Variants in ARHGAP31 observed in about 807,000 individuals in gnomAD.
ARHGAP31 encodes the protein rho GTPase-activating protein 31.
A neutral mutation model predicts 113.9 loss-of-function variants in ARHGAP31; 34 were observed. The observed-to-expected ratio is 0.30, with a 90% CI of 0.23 to 0.40. The LOEUF (loss-of-function observed/expected upper bound fraction) is 0.40, where lower values mean the gene tolerates loss of function less well. Among genes scored for constraint, ARHGAP31 ranks in the 10% least tolerant of loss-of-function variants. The pLI, the probability that ARHGAP31 is intolerant of heterozygous loss-of-function variation, is 1.00. For synonymous variants in ARHGAP31, 650 were observed against 684.8 expected (o/e 0.95, Z 0.79); for missense variants, 1,548 against 1,767.1 (o/e 0.88, Z 2.22).
intron 1 of ARHGAP31, among the ~76,000 whole-genome samples, chr3:119,330,466 T>C (rs1222619236): frequency 6.6e-6 from 1 of 152,240 alleles, no homozygotes; most frequent in African/African-American, 2.4e-5. Flanking sequence ...GAACCATGAC[T>C]CCTGGCTCTC....
At chr3:119,345,207 C>T (rs183676330) in intron 1 of ARHGAP31, among the ~76,000 whole-genome samples, 20 of 152,178 alleles carry the variant, frequency 1.3e-4, no homozygotes, top group African/African-American at 1.7e-4. Flanking sequence ...AGGATGGTCT[C>T]GATCTCCTGA....
chr3:119,321,279 CTATATATATATATA>C (rs71693848), intron 1 of ARHGAP31, among the ~76,000 whole-genome samples: 1 of 140,438 alleles, frequency 7.1e-6, no homozygotes, highest in Non-Finnish European at 1.5e-5. Flanking sequence ...TATATATATA[CTATATATATATATA>C]TAGTATATAT....
At chr3:119,375,581 G>A (rs2080339826) in intron 3 of ARHGAP31, among the ~76,000 whole-genome samples, 1 of 152,068 alleles carries the variant, frequency 6.6e-6, no homozygotes. Flanking sequence ...ATTTGATATC[G>A]TCGGGAGCAA....
chr3:119,365,134 A>AT (rs544965812), intron 1 of ARHGAP31, among the ~76,000 whole-genome samples, 182 bp from the exon 2 acceptor site: 14 of 151,622 alleles, frequency 9.2e-5, no homozygotes, highest in African/African-American at 1.5e-4. Context: ...AAGCCCTATG[A>AT]TTTTTTTTTA....
In ARHGAP31 at chr3:119,416,411, A is replaced by C; in HGVS notation, c.*147A>C. 9 of 1,134,182 alleles carry C rather than the reference A, an allele frequency of 7.9e-6. No homozygotes were observed. The South Asian group carries it at 1.2e-4, about 15-fold the overall frequency. The allele number at this position is 1,134,182 out of a possible 1,614,324, so 70.3% of individuals were successfully genotyped here. On this transcript the variant is annotated 3_prime_UTR_variant, in exon 12 of 12. Transcript: ENST00000264245. ...TCTTTCTTCAGCCTTTTGACCACTTATTAATTAGTCCATTTGCTAGAAGAG... is the reference window on the plus strand; with the variant it reads ...TCTTTCTTCAGCCTTTTGACCACTTCTTAATTAGTCCATTTGCTAGAAGAG...
intron 1 of ARHGAP31, among the ~76,000 whole-genome samples, chr3:119,362,894 T>A (rs2080221895): frequency 6.6e-6 from 1 of 152,096 alleles, no homozygotes; most frequent in African/African-American, 2.4e-5. Flanking sequence ...AAAATCAGAT[T>A]ATACATTTAT....
intron 8 of ARHGAP31, 103 bp downstream of exon 8, chr3:119,393,694 G>T: frequency 6.8e-7 from 1 of 1,470,936 alleles, no homozygotes; most frequent in Non-Finnish European, 9.4e-7. Flanking sequence ...CTCTGAAAGA[G>T]AAACTTATAA....
chr3:119,409,434 T>C, intron 10 of ARHGAP31, 62 bp from the exon 11 acceptor site: 2 of 1,591,480 alleles, frequency 1.3e-6, no homozygotes, highest in African/African-American at 1.3e-5. Flanking sequence ...AGTGACTGTG[T>C]TGGGAAGAGT....
chr3:119,350,545 A>G (rs2080102406), intron 1 of ARHGAP31, among the ~76,000 whole-genome samples: 1 of 152,232 alleles, frequency 6.6e-6, no homozygotes, highest in Admixed American at 6.5e-5. Context: ...ACCAGAGGGT[A>G]CAATAAGCAA....
chr3:119,390,483 G>A (rs1010760579), intron 6 of ARHGAP31, among the ~76,000 whole-genome samples: 3 of 152,250 alleles, frequency 2.0e-5, no homozygotes, highest in Non-Finnish European at 2.9e-5. Flanking sequence ...CTCACAGTGA[G>A]TGTTCAATAA....
rs373981593 is a variant in ARHGAP31 at position 119,402,046 on chromosome 3, C to G, written c.1294C>G (p.Leu432Val). Residue 432 changes from leucine (L) to valine (V), a missense_variant, in exon 10 of 12, where the codon CTG (leucine) becomes GTG (valine). By Grantham distance (32) the Leu-to-Val change is conservative. Coordinates refer to ENST00000264245, the MANE Select transcript of ARHGAP31 (RefSeq NM_020754.4). The part of the protein sequence containing the change: ...GAQARPPPEQ[L>V]KVFRPVEDPE... ...TCAGGCCCGGCCCCCACCGGAACAG[C>G]TGAAGGTTTTCCGGCCTGTTGAGGA... The G allele has an allele frequency of 6.8e-6, 11 of 1,614,106 alleles. No individual in the cohort carries two copies. The highest frequency in any genetic ancestry group is 8.5e-6 in the Non-Finnish European group (10 of 1,180,046).
chr3:119,373,558 G>A (rs1313983836), intron 3 of ARHGAP31, among the ~76,000 whole-genome samples: 1 of 152,000 alleles, frequency 6.6e-6, no homozygotes. Context: ...CCCCCACCCG[G>A]GTTCAAGCAA....
At chr3:119,345,915 T>A (rs1218317210) in intron 1 of ARHGAP31, among the ~76,000 whole-genome samples, 1 of 152,182 alleles carries the variant, frequency 6.6e-6, no homozygotes, top group Non-Finnish European at 1.5e-5. Context: ...AGCCCTGACT[T>A]GAACTCTTTT....
chr3:119,384,091 C>T (rs766687057), intron 6 of ARHGAP31, among the ~76,000 whole-genome samples: 1 of 152,150 alleles, frequency 6.6e-6, no homozygotes, highest in Non-Finnish European at 1.5e-5. Flanking sequence ...AAAACCATAT[C>T]TGCAATATAT....
chr3:119,391,375 G>A (rs974707394), intron 7 of ARHGAP31, among the ~76,000 whole-genome samples: 3 of 151,674 alleles, frequency 2.0e-5, no homozygotes, highest in Non-Finnish European at 2.9e-5. Context: ...CCATCCCCAC[G>A]TGACGATACA....
chr3:119,404,040 G>A (rs1461287632), intron 10 of ARHGAP31, among the ~76,000 whole-genome samples: 2 of 152,166 alleles, frequency 1.3e-5, no homozygotes, highest in East Asian at 3.8e-4. Context: ...TGGGTACGCA[G>A]ATGAGCAAAT....
chr3:119,302,090 C>CTTGAAG lies in ARHGAP31; in HGVS notation c.100+7087_100+7088insTGAAGT, dbSNP rs2079589373. On this transcript the variant is annotated intron_variant, in intron 1 of 11. Transcript: ENST00000264245. The stretch of plus-strand genomic sequence containing the variant: ...AGCTTCAAGTTATTTTTCTTTTTGA[C>CTTGAAG]TATGGGTCCATGTCCTACCCAATTT... Among the ~76,000 whole-genome samples, 4 of 152,344 alleles carry CTTGAAG rather than the reference C, an allele frequency of 2.6e-5. 1 individual carries two copies. Among genetic ancestry groups the CTTGAAG allele is most frequent in the African/African-American group, 9.6e-5 (4 of 41,580 alleles).
At chr3:119,366,888 G>T (rs942548770) in intron 2 of ARHGAP31, among the ~76,000 whole-genome samples, 1 of 151,990 alleles carries the variant, frequency 6.6e-6, no homozygotes, top group Non-Finnish European at 1.5e-5. Context: ...GATCACCTGA[G>T]GTCAGGAGTT....
chr3:119,354,157 G>A (rs1391061033), intron 1 of ARHGAP31, among the ~76,000 whole-genome samples: 1 of 152,230 alleles, frequency 6.6e-6, no homozygotes, highest in African/African-American at 2.4e-5. Context: ...GGATAGCAGA[G>A]CTAGTCCTCA....
Sources: gnomAD v4.1 joint callset for allele counts (sites outside exome capture counted in the v4.1 genomes callset) on GRCh38, gnomAD v4.1.1 for gene constraint, MANE v1.5 for transcripts, NCBI Gene and HGNC (gene_info 2026-07-23, HGNC 2026-07-21) for gene names.